SASH1: variants seen among roughly 807,000 people sequenced by gnomAD.
The protein encoded by SASH1 is SAM and SH3 domain-containing protein 1.
Under a neutral mutation model 125.2 loss-of-function variants are expected in SASH1, and 44 were observed. That is an observed-to-expected ratio of 0.35 (90% confidence interval 0.28 to 0.45). The LOEUF is 0.45. Ranked by LOEUF, SASH1 falls within the 20% of genes least tolerant of loss-of-function variation. The pLI is 1.00. For synonymous variants in SASH1, 639 were observed against 649.1 expected (o/e 0.98, Z 0.24); for missense variants, 1,426 against 1,614.5 (o/e 0.88, Z 2.00).
intron 4 of SASH1, among the ~76,000 whole-genome samples, chr6:148,452,843 CAT>C (rs1282564074): frequency 6.6e-6 from 1 of 152,232 alleles, no homozygotes; most frequent in Non-Finnish European, 1.5e-5. Context: ...GCCCTTCCCA[CAT>C]GACCTTTCGT....
chr6:148,346,680 T>A (rs969315286), intron 1 of SASH1, among the ~76,000 whole-genome samples: 1 of 152,232 alleles, frequency 6.6e-6, no homozygotes, highest in African/African-American at 2.4e-5. Flanking sequence ...AAGACACATG[T>A]GCCTGCTGTA....
At chr6:148,341,666 A>G (rs1781330968), upstream of SASH1, among the ~76,000 whole-genome samples, 1 of 152,148 alleles carries the variant, frequency 6.6e-6, no homozygotes, top group Non-Finnish European at 1.5e-5. Flanking sequence ...GGAAAACAAA[A>G]CAAAACAAAA....
At chr6:148,468,825 G>A (rs1304220452) in intron 5 of SASH1, 5 of 385,944 alleles carry the variant, frequency 1.3e-5, no homozygotes, top group African/African-American at 2.1e-5. Flanking sequence ...ATTTTCCCAT[G>A]ACTGAATATT....
At chr6:148,329,712 G>A (rs1347938337) in intron 1 of SASH1, among the ~76,000 whole-genome samples, 1 of 152,120 alleles carries the variant, frequency 6.6e-6, no homozygotes, top group Admixed American at 6.6e-5. Context: ...AGAGGAACAT[G>A]GCCTTCAACA....
intron 1 of SASH1, among the ~76,000 whole-genome samples, chr6:148,351,628 C>T (rs1781733573): frequency 6.9e-6 from 1 of 145,470 alleles, no homozygotes; most frequent in African/African-American, 2.6e-5. Flanking sequence ...TGGGATATGC[C>T]CTGAGCCCTA....
At chr6:148,452,147 T>C (rs532796781) in intron 4 of SASH1, among the ~76,000 whole-genome samples, 1 of 152,270 alleles carries the variant, frequency 6.6e-6, no homozygotes, top group East Asian at 1.9e-4. Context: ...TCAGGCACAC[T>C]AGGGTGGGAA....
chr6:148,230,104 C>G, the SASH1 span, among the ~76,000 whole-genome samples: 3 of 152,176 alleles, frequency 2.0e-5, no homozygotes, highest in Admixed American at 2.0e-4. Flanking sequence ...CACTAATCTA[C>G]TTCCCATCTC....
At chr6:148,466,096 G>T (rs925959336) in intron 4 of SASH1, among the ~76,000 whole-genome samples, 1 of 152,138 alleles carries the variant, frequency 6.6e-6, no homozygotes, top group African/African-American at 2.4e-5. Flanking sequence ...TCATTTTTGT[G>T]TGGATAGGAG....
At chr6:148,490,156 C>G (rs1779046398) in intron 8 of SASH1, among the ~76,000 whole-genome samples, 1 of 151,632 alleles carries the variant, frequency 6.6e-6, no homozygotes, top group Non-Finnish European at 1.5e-5. Flanking sequence ...CAAAACAGTG[C>G]TTCTTATTCT....
At chr6:148,333,245 A>T (rs1225047324) in intron 1 of SASH1, among the ~76,000 whole-genome samples, 1 of 151,548 alleles carries the variant, frequency 6.6e-6, no homozygotes, top group East Asian at 1.9e-4. Context: ...TACAAAAAAT[A>T]ATAATAATAA....
the SASH1 span, among the ~76,000 whole-genome samples, chr6:148,240,718 G>A: frequency 6.6e-6 from 1 of 152,120 alleles, no homozygotes; most frequent in Non-Finnish European, 1.5e-5. Flanking sequence ...ACTTGGAGCT[G>A]AAGGCTTTTC....
the SASH1 span, chr6:148,237,649 C>T: frequency 6.6e-6 from 1 of 152,170 alleles, no homozygotes; most frequent in Non-Finnish European, 1.5e-5. Flanking sequence ...TGCAAAGACA[C>T]ATCAGTTGTA....
chr6:148,507,275 C>T (rs571325972), intron 8 of SASH1, among the ~76,000 whole-genome samples: 14 of 152,170 alleles, frequency 9.2e-5, no homozygotes, highest in African/African-American at 3.1e-4. Flanking sequence ...GGGGATGGAG[C>T]TCTGGTGATC....
At chr6:148,309,827 T>C (rs1253388430) in intron 1 of SASH1, among the ~76,000 whole-genome samples, 1 of 152,152 alleles carries the variant, frequency 6.6e-6, no homozygotes, top group Non-Finnish European at 1.5e-5. Context: ...ATTCATTTCT[T>C]GGGCAAAGGA....
the SASH1 span, among the ~76,000 whole-genome samples, chr6:148,242,997 G>A: frequency 6.6e-6 from 1 of 152,072 alleles, no homozygotes; most frequent in Non-Finnish European, 1.5e-5. Context: ...GGATGTTTTG[G>A]CTGGCTGATT....
chr6:148,340,147 C>A (rs150757192), upstream of SASH1, among the ~76,000 whole-genome samples: 4 of 152,156 alleles, frequency 2.6e-5, no homozygotes, highest in African/African-American at 9.7e-5. Context: ...AGAGAACAGG[C>A]TGCCCCTTGG....
chr6:148,332,057 C>T (rs1781010879), intron 1 of SASH1, among the ~76,000 whole-genome samples: 1 of 152,192 alleles, frequency 6.6e-6, no homozygotes, highest in Admixed American at 6.5e-5. Context: ...GCCTGTTCTG[C>T]TGTCTGCACT....
intron 1 of SASH1, among the ~76,000 whole-genome samples, chr6:148,364,474 T>C (rs567696433): frequency 3.9e-5 from 6 of 152,130 alleles, no homozygotes; most frequent in Non-Finnish European, 8.8e-5. Flanking sequence ...AGCTCAGCGA[T>C]GGATTACAAA....
At chr6:148,348,871 C>T (rs367857983) in intron 1 of SASH1, among the ~76,000 whole-genome samples, 3 of 152,350 alleles carry the variant, frequency 2.0e-5, no homozygotes, top group Non-Finnish European at 4.4e-5. Context: ...GCCCCACGGT[C>T]GCTGAGTATA....
Sources: gnomAD v4.1 joint callset for allele counts (sites outside exome capture counted in the v4.1 genomes callset) on GRCh38, gnomAD v4.1.1 for gene constraint, MANE v1.5 for transcripts, NCBI Gene and HGNC (gene_info 2026-07-23, HGNC 2026-07-21) for gene names.